The following CPT1B variants were observed in gnomAD, a reference collection of about 807,000 sequenced individuals.
The protein encoded by CPT1B is carnitine palmitoyltransferase 1B, also known as carnitine O-palmitoyltransferase 1, muscle isoform.
In CPT1B, 57 loss-of-function variants were observed where a neutral mutation model predicts 92.7. The observed-to-expected ratio is 0.62, with a 90% confidence interval of 0.50 to 0.77. The LOEUF (loss-of-function observed/expected upper bound fraction) is 0.77, where lower values mean the gene tolerates loss of function less well. CPT1B is among the 30% of genes least tolerant of loss of function. The pLI, the probability that CPT1B is intolerant of heterozygous loss-of-function variation, is 0.00. For synonymous variants in CPT1B, 398 were observed against 383.5 expected (o/e 1.04, Z -0.44); for missense variants, 983 against 1,017.4 (o/e 0.97, Z 0.46).
In CPT1B at chr22:50,573,556, C is replaced by T. The variant is rs747804826; in HGVS notation, c.1130G>A (p.Gly377Glu). 1.2e-6 allele frequency: 2 copies of T among 1,613,304 alleles called. No homozygotes were observed. Among genetic ancestry groups the T allele is most frequent in the South Asian group, 2.2e-5 (2 of 91,064 alleles). The change falls in exon 10 of 20, where the codon GGG (glycine) becomes GAG (glutamate). Residue 377 changes from glycine to glutamate, a missense_variant. Transcript: ENST00000312108. The surrounding 1 kb of genome is among the most constrained non-coding windows in gnomAD (Gnocchi z 5.0). Reference protein sequence around the residue: ...ILDDPSPPQPGEEKLAALTAG... With the variant: ...ILDDPSPPQPEEEKLAALTAG... Reference sequence around the variant, plus strand: ...AGTGAGGGCTGCCAGCTTCTCCTCCCCAGGCTGAGGTGGGGAGGGGTCGTC... The same window carrying T: ...AGTGAGGGCTGCCAGCTTCTCCTCCTCAGGCTGAGGTGGGGAGGGGTCGTC...
At position 50,577,838 on chromosome 22, in the gene CPT1B, C is replaced by T; in HGVS notation, c.78G>A (p.Glu26=). Residue 26 remains glutamate, a synonymous_variant, in exon 2 of 20, where the codon GAG becomes GAA. Transcript: ENST00000312108. The stretch of plus-strand genomic sequence containing the variant: ...CAGACAGGTAGACGTGTTTCAGGGC[C>T]TCCCGACTGAGCCGGAAGTCGACCC... The part of the protein sequence containing the change: ...PDGVDFRLSR[E]ALKHVYLSGI... 6.2e-7 allele frequency: 1 copy of T among 1,613,836 alleles called. No individual in the cohort carries two copies. The highest frequency in any genetic ancestry group is 8.5e-7 in the Non-Finnish European group (1 of 1,179,912).
chr22:50,571,556 A>C lies in CPT1B; in HGVS notation c.1576-17T>G, dbSNP rs1203513064. On this transcript the variant is annotated splice_polypyrimidine_tract_variant and intron_variant, in intron 13 of 19. Transcript: ENST00000312108. ...CGCCTGGCACTGCCAAGACATGGGA[A>C]GGGTCAGCTGAGGGTAGGGCTCTCC... is the stretch of plus-strand genomic sequence containing the variant. 6.2e-7 allele frequency: 1 copy of C among 1,608,792 alleles called. No homozygotes were observed. Among genetic ancestry groups the C allele is most frequent in the East Asian group, 2.2e-5 (1 of 44,888 alleles).
intron 13 of CPT1B, among the ~76,000 whole-genome samples, 171 bp from the exon 14 acceptor site, chr22:50,571,710 C>A (rs558541090): frequency 2.2e-4 from 33 of 152,308 alleles, no homozygotes; most frequent in Non-Finnish European, 3.5e-4. Flanking sequence ...CCCCCAGAGG[C>A]CGGGCTCAGC....
chr22:50,571,648 C>T (rs879127789), intron 13 of CPT1B, 109 bp from the exon 14 acceptor site: 39 of 1,239,842 alleles, frequency 3.1e-5, no homozygotes, highest in South Asian at 1.7e-4. Context: ...CACAGCCGGC[C>T]AAGACATCTT....
intron 7 of CPT1B, among the ~76,000 whole-genome samples, 179 bp downstream of exon 7, chr22:50,575,856 C>T (rs866857337): frequency 6.6e-6 from 1 of 152,186 alleles, no homozygotes; most frequent in Non-Finnish European, 1.5e-5. Flanking sequence ...TGCCCCTAAG[C>T]TGCTTCTGGA....
At position 50,569,346 on chromosome 22, in the gene CPT1B, A is replaced by G; in HGVS notation, c.2311T>C (p.Tyr771His). 1 of 1,614,070 alleles carries G rather than the reference A, an allele frequency of 6.2e-7. No homozygotes were observed. Among genetic ancestry groups the G allele is most frequent in the South Asian group, 1.1e-5 (1 of 91,078 alleles). ...TGGCATTTCTCCAACCTTCAGCTGTAGGCCTTGGGAACTTGGAAAAGATCA... is the reference window on the plus strand; with the variant it reads ...TGGCATTTCTCCAACCTTCAGCTGTGGGCCTTGGGAACTTGGAAAAGATCA... Reference protein sequence around the residue: ...IADLFQVPKAYS With the variant: ...IADLFQVPKAHS Residue 771 changes from tyrosine (Y) to histidine (H), a missense_variant, in exon 19 of 20, where the codon TAC becomes CAC. Transcript: ENST00000312108.
intron 2 of CPT1B, 92 bp from the exon 3 acceptor site, chr22:50,577,555 G>A: frequency 3.3e-6 from 5 of 1,532,834 alleles, no homozygotes; most frequent in Non-Finnish European, 4.4e-6. Context: ...GTCTTGGCCT[G>A]GAAGGCTTTC....
intron 13 of CPT1B, chr22:50,571,794 T>G (rs1164515316): frequency 1.5e-6 from 1 of 658,284 alleles, no homozygotes; most frequent in East Asian, 2.7e-5. Context: ...TGGCTGTCTC[T>G]AAACACAGAT....
chr22:50,577,447 C>A lies in CPT1B; in HGVS notation c.158G>T (p.Gly53Val), dbSNP rs547203978. ...LIRIKNGILR[G>V]VYPGSPTSWL... ...GCTGGTGGGGCTGCCAGGGTACACG[C>A]CCCTGAGGATGCCATTCTGTGGGCA... is the stretch of plus-strand genomic sequence containing the variant. The change falls in exon 3 of 20, where the codon GGC becomes GTC. Residue 53 changes from glycine to valine, a missense_variant. Physicochemically the swap from Gly to Val is moderately radical, Grantham distance 109 (BLOSUM62 -3). Coordinates refer to ENST00000312108, the MANE Select transcript of CPT1B (RefSeq NM_152246.3). 3 of 1,613,650 alleles carry A rather than the reference C, an allele frequency of 1.9e-6. No homozygotes were observed. The highest frequency in any genetic ancestry group is 4.5e-5 in the East Asian group (2 of 44,886).
In CPT1B at chr22:50,571,367, G is replaced by A. The variant is rs1263972975; in HGVS notation, c.1740+8C>T. 1 of 1,613,802 alleles carries A rather than the reference G, an allele frequency of 6.2e-7. No homozygotes were observed. The highest frequency in any genetic ancestry group is 2.2e-5 in the East Asian group (1 of 44,878). Reference sequence around the variant, plus strand: ...TGCCCTCTCAGCAGCGGGAGGCGGGGCTCCTACCCGGAAGTGAGCCAGCTG... The same window carrying A: ...TGCCCTCTCAGCAGCGGGAGGCGGGACTCCTACCCGGAAGTGAGCCAGCTG... On this transcript the variant is annotated splice_region_variant and intron_variant, in intron 14 of 19. Coordinates refer to ENST00000312108, the MANE Select transcript of CPT1B (RefSeq NM_152246.3).
chr22:50,569,884 A>C (rs1603443201), intron 17 of CPT1B, among the ~76,000 whole-genome samples: 1 of 152,284 alleles, frequency 6.6e-6, no homozygotes, highest in African/African-American at 2.4e-5. Flanking sequence ...AGTTTCCCTC[A>C]GGGGGCTTAT....
rs1441515126 is a variant in CPT1B at position 50,577,784 on chromosome 22, G to A, written c.132C>T (p.Ile44=). The change falls in exon 2 of 20, where the codon ATC becomes ATT. Residue 44 remains isoleucine (I), a synonymous_variant. Coordinates refer to ENST00000312108, the MANE Select transcript of CPT1B (RefSeq NM_152246.3). ...SGINSWKKRL[I]RIKNGILRGV... is the part of the protein sequence containing the mutation. ...AAGCACCTGTGCGCACCTTGATGCGGATCAGGCGTTTCTTCCAGGAGTTGA... is the reference window on the plus strand; with the variant it reads ...AAGCACCTGTGCGCACCTTGATGCGAATCAGGCGTTTCTTCCAGGAGTTGA... The A allele has an allele frequency of 1.2e-6, 2 of 1,613,700 alleles. No individual in the cohort carries two copies. The highest frequency in any genetic ancestry group is 1.1e-5 in the South Asian group (1 of 91,096).
At chr22:50,576,402 C>T (rs1317204170) in intron 5 of CPT1B, 67 bp from the exon 6 acceptor site, 4 of 1,609,026 alleles carry the variant, frequency 2.5e-6, no homozygotes, top group Non-Finnish European at 3.4e-6. Flanking sequence ...AATCCTCTTC[C>T]CACCTCTCCC....
chr22:50,573,153 GCCAGGCTGGACCTGGAGATGGGGGGTA>G lies in CPT1B; in HGVS notation c.1167-120_1167-94del, dbSNP rs2070263322. ...CTGGACCTGGAGATGGGGGTGGGGT[GCCAGGCTGGACCTGGAGATGGGGGGTA>G]CCACGCTGGACCTGGAGATGTGGGG... On this transcript the variant is annotated intron_variant, in intron 10 of 19. Coordinates refer to ENST00000312108, the MANE Select transcript of CPT1B (RefSeq NM_152246.3). The surrounding 1 kb of genome is among the most constrained non-coding windows in gnomAD (Gnocchi z 5.0). 5 of 1,146,246 alleles carry G rather than the reference GCCAGGCTGGACCTGGAGATGGGGGGTA, an allele frequency of 4.4e-6. No homozygotes were observed. The South Asian group carries it at 4.4e-5, about 10-fold the overall frequency. 71.0% of individuals were successfully genotyped at this position (1,146,246 alleles called of 1,614,324 possible). A position where few individuals can be genotyped will look rare whatever the true frequency, so the allele number is the denominator to read the frequency against.
intron 11 of CPT1B, 77 bp downstream of exon 11, chr22:50,572,798 C>T: frequency 6.7e-7 from 1 of 1,495,086 alleles, no homozygotes. Flanking sequence ...ACCCTACCTT[C>T]TTTTATCTTT....
Position 50,569,362 on chromosome 22 carries a change from G to A in CPT1B, c.2295C>T (p.Phe765=), listed in dbSNP as rs760147190. The part of the protein sequence containing the change: ...RKALLDIADL[F]QVPKAYS ...TTCAGCTGTAGGCCTTGGGAACTTGGAAAAGATCAGCAATGTCCAGCAGGG... is the reference window on the plus strand; with the variant it reads ...TTCAGCTGTAGGCCTTGGGAACTTGAAAAAGATCAGCAATGTCCAGCAGGG... The change falls in exon 19 of 20, where the codon TTC becomes TTT. Residue 765 remains phenylalanine, a synonymous_variant. Coordinates refer to ENST00000312108, the MANE Select transcript of CPT1B (RefSeq NM_152246.3). 6.2e-7 allele frequency: 1 copy of A among 1,614,156 alleles called. No homozygotes were observed. Among genetic ancestry groups the A allele is most frequent in the Admixed American group, 1.7e-5 (1 of 60,024 alleles).
In CPT1B at chr22:50,569,344, G is replaced by A. The variant is rs2070041142; in HGVS notation, c.2313C>T (p.Tyr771=). 5.0e-6 allele frequency: 8 copies of A among 1,614,110 alleles called. No individual in the cohort carries two copies. Among genetic ancestry groups the A allele is most frequent in the Middle Eastern group, 3.3e-4 (2 of 6,042 alleles). The change falls in exon 19 of 20, where the codon TAC becomes TAT. Residue 771 remains tyrosine, a synonymous_variant. Transcript: ENST00000312108. ...IADLFQVPKA[Y]S ...GCTGGCATTTCTCCAACCTTCAGCTGTAGGCCTTGGGAACTTGGAAAAGAT... is the reference window on the plus strand; with the variant it reads ...GCTGGCATTTCTCCAACCTTCAGCTATAGGCCTTGGGAACTTGGAAAAGAT...
Position 50,573,500 on chromosome 22 carries a change from C to A in CPT1B, c.1166+20G>T. 1 of 1,588,144 alleles carries A rather than the reference C, an allele frequency of 6.3e-7. No homozygotes were observed. Among genetic ancestry groups the A allele is most frequent in the Non-Finnish European group, 8.6e-7 (1 of 1,164,852 alleles). On this transcript the variant is annotated intron_variant, in intron 10 of 19. Coordinates refer to ENST00000312108, the MANE Select transcript of CPT1B (RefSeq NM_152246.3). This position sits in a 1 kb window ranked among gnomAD's most constrained non-coding sequence, Gnocchi z 5.0. Reference sequence around the variant, plus strand: ...GCCCTGAACTCAGGGTGGGGACAGTCCCTTCCTAGAGGCCAATACCTTCCT... The same window carrying A: ...GCCCTGAACTCAGGGTGGGGACAGTACCTTCCTAGAGGCCAATACCTTCCT...
chr22:50,577,922 G>A lies in CPT1B; in HGVS notation c.-7C>T. The stretch of plus-strand genomic sequence containing the variant: ...CCTGGTGAGCTTCCGCCATCCTGGG[G>A]GTTGGTCGGCACCTAGGACGGGGGC... On this transcript the variant is annotated 5_prime_UTR_variant, in exon 2 of 20. Coordinates refer to ENST00000312108, the MANE Select transcript of CPT1B (RefSeq NM_152246.3). The A allele has an allele frequency of 6.2e-7, 1 of 1,606,294 alleles. No individual in the cohort carries two copies.
Sources: gnomAD v4.1 joint callset for allele counts (sites outside exome capture counted in the v4.1 genomes callset) on GRCh38, gnomAD v4.1.1 for gene constraint, Gnocchi (gnomAD v3.1) non-coding constraint, MANE v1.5 for transcripts, NCBI Gene and HGNC (gene_info 2026-07-23, HGNC 2026-07-21) for gene names.